The following FAF1 variants were observed in gnomAD, a reference collection of about 807,000 sequenced individuals.
FAF1 encodes Fas associated factor 1.
A neutral mutation model predicts 92.5 loss-of-function variants in FAF1; 25 were observed. That is an observed-to-expected ratio of 0.27 (90% CI 0.20 to 0.38). The LOEUF (loss-of-function observed/expected upper bound fraction) is 0.38. Among genes scored for constraint, FAF1 ranks in the 10% least tolerant of loss-of-function variants. The pLI is 1.00. For missense variants in FAF1, 636 were observed against 793.3 expected, an observed-to-expected ratio of 0.80 and a Z score of 2.38; for synonymous variants, 234 against 273.2, an observed-to-expected ratio of 0.86 and a Z score of 1.42.
At chr1:50,505,184 C>A (rs904843602) in intron 15 of FAF1, among the ~76,000 whole-genome samples, 7 of 152,076 alleles carry the variant, frequency 4.6e-5, no homozygotes, top group African/African-American at 1.7e-4. Flanking sequence ...TGGTTAAATA[C>A]CAGAACTGGG....
At chr1:50,635,374 A>G (rs1287233871) in intron 8 of FAF1, among the ~76,000 whole-genome samples, 1 of 152,176 alleles carries the variant, frequency 6.6e-6, no homozygotes, top group East Asian at 1.9e-4. Context: ...TGAAATGCAA[A>G]GAATCTAAAT....
chr1:50,480,636 G>C (rs529113905), intron 17 of FAF1, among the ~76,000 whole-genome samples: 27 of 152,314 alleles, frequency 1.8e-4, no homozygotes, highest in African/African-American at 6.5e-4. Flanking sequence ...CATAAGAAAA[G>C]ATAGTATGTG....
chr1:50,527,868 C>CCTCTCTCTCTCTCTCTCT (rs1332650562), intron 15 of FAF1, among the ~76,000 whole-genome samples: 13 of 57,152 alleles, frequency 2.3e-4, no homozygotes, highest in South Asian at 9.5e-4. Flanking sequence ...TCCCTCTCTC[C>CCTCTCTCTCTCTCTCTCT]CTCTCTCTCT....
At chr1:50,927,038 G>A (rs552221256) in intron 1 of FAF1, among the ~76,000 whole-genome samples, 9 of 152,240 alleles carry the variant, frequency 5.9e-5, no homozygotes, top group South Asian at 4.1e-4. Context: ...ATAATTCCAC[G>A]TCTATAAGTA....
chr1:50,882,626 A>G (rs1306327506), intron 1 of FAF1, among the ~76,000 whole-genome samples: 2 of 150,900 alleles, frequency 1.3e-5, no homozygotes, highest in African/African-American at 2.4e-5. Context: ...ATAAATAAAT[A>G]AATAAATAAA....
chr1:50,789,331 A>G (rs947241101), intron 3 of FAF1, among the ~76,000 whole-genome samples: 1 of 152,164 alleles, frequency 6.6e-6, no homozygotes, highest in Non-Finnish European at 1.5e-5. Context: ...AACAATAATT[A>G]TATTTGCACA....
At chr1:50,496,596 A>G (rs919396706) in intron 15 of FAF1, among the ~76,000 whole-genome samples, 3 of 152,158 alleles carry the variant, frequency 2.0e-5, no homozygotes, top group Non-Finnish European at 4.4e-5. Context: ...AGGAGGTGTA[A>G]AAGTTATCTC....
intron 1 of FAF1, among the ~76,000 whole-genome samples, chr1:50,909,999 G>A (rs1289911436): frequency 2.6e-5 from 4 of 152,094 alleles, no homozygotes; most frequent in Non-Finnish European, 4.4e-5. Flanking sequence ...CTGGTTTCTC[G>A]CCATCTTTGT....
rs1322680682 is a variant in FAF1, at chr1:50,788,006, T to C, written c.361A>G (p.Thr121Ala). 1.2e-6 allele frequency: 2 copies of C among 1,612,636 alleles called. No individual in the cohort carries two copies. The highest frequency in any genetic ancestry group is 1.7e-5 in the Admixed American group (1 of 60,012). ...NVDVVLEDTCTVGEIKQILEN... is the reference protein window; with the variant it reads ...NVDVVLEDTCAVGEIKQILEN... ...ATGGCAGGAAAAACCTTACCAACAGTACAGGTGTCTTCAAGTACCACATCA... is the reference window on the plus strand; with the variant it reads ...ATGGCAGGAAAAACCTTACCAACAGCACAGGTGTCTTCAAGTACCACATCA... Residue 121 changes from threonine to alanine, a missense_variant, in exon 4 of 19, where the codon ACT becomes GCT. Thr to Ala is a moderately conservative substitution (Grantham distance 58). Transcript: ENST00000396153.
intron 15 of FAF1, among the ~76,000 whole-genome samples, chr1:50,510,633 C>T (rs747972321): frequency 1.3e-4 from 20 of 152,260 alleles, no homozygotes; most frequent in Non-Finnish European, 2.5e-4. Context: ...GTCTTAACCA[C>T]GGATTATGCA....
At chr1:50,663,711 C>T (rs1277830858) in intron 7 of FAF1, among the ~76,000 whole-genome samples, 3 of 151,454 alleles carry the variant, frequency 2.0e-5, no homozygotes, top group Non-Finnish European at 2.9e-5. Flanking sequence ...CCAGAAGCAC[C>T]GCTTTAGAAT....
intron 13 of FAF1, among the ~76,000 whole-genome samples, chr1:50,559,901 T>C (rs1486003981): frequency 6.6e-6 from 1 of 152,186 alleles, no homozygotes; most frequent in African/African-American, 2.4e-5. Context: ...AAGGAAAATG[T>C]TGCATAAAGG....
chr1:50,707,216 A>AAAG (rs1657711105), intron 6 of FAF1, among the ~76,000 whole-genome samples: 1 of 151,720 alleles, frequency 6.6e-6, no homozygotes, highest in African/African-American at 2.4e-5. Flanking sequence ...AAAAAAAAAA[A>AAAG]AAAAGAATTA....
At chr1:50,530,021 C>A (rs1216725922) in intron 15 of FAF1, among the ~76,000 whole-genome samples, 1 of 152,170 alleles carries the variant, frequency 6.6e-6, no homozygotes, top group South Asian at 2.1e-4. Context: ...CATTTAGTAA[C>A]CTAATCATCA....
chr1:50,884,011 G>C (rs1048079055), intron 1 of FAF1, among the ~76,000 whole-genome samples: 1 of 152,056 alleles, frequency 6.6e-6, no homozygotes, highest in Non-Finnish European at 1.5e-5. Flanking sequence ...TCTAATCCCA[G>C]CTACTCGGGA....
intron 7 of FAF1, among the ~76,000 whole-genome samples, chr1:50,685,523 A>C (rs751871801): frequency 4.5e-4 from 68 of 152,226 alleles, no homozygotes; most frequent in Non-Finnish European, 7.5e-4. Context: ...CCTTACTGTG[A>C]ACTCTTAAAT....
chr1:50,820,924 G>A (rs545542733), intron 2 of FAF1, among the ~76,000 whole-genome samples: 11 of 152,060 alleles, frequency 7.2e-5, no homozygotes, highest in Admixed American at 5.2e-4. Context: ...GGTTGTTTCC[G>A]TATGTTAGCT....
At position 50,796,969 on chromosome 1, in the gene FAF1, C is replaced by T. The variant is rs574070534; in HGVS notation, c.161+4662G>A. Among the ~76,000 whole-genome samples, 320 of 152,136 alleles carry T rather than the reference C, an allele frequency of 2.1e-3. 4 individuals carry two copies. Among genetic ancestry groups the T allele is most frequent in the African/African-American group, 7.6e-3 (315 of 41,490 alleles). On this transcript the variant is annotated intron_variant, in intron 3 of 18. Transcript: ENST00000396153. ...ACATGGCTGGGGCGAAACTCCATCT[C>T]TACAAAAAATAAAAAAATTAGCCGG...
At chr1:50,620,619 G>C (rs367818697) in intron 8 of FAF1, among the ~76,000 whole-genome samples, 9 of 152,302 alleles carry the variant, frequency 5.9e-5, no homozygotes, top group Non-Finnish European at 8.8e-5. Flanking sequence ...GGAGGTAAGG[G>C]GACACTGGCT....
Sources: gnomAD v4.1 joint callset for allele counts (sites outside exome capture counted in the v4.1 genomes callset) on GRCh38, gnomAD v4.1.1 for gene constraint, MANE v1.5 for transcripts, NCBI Gene and HGNC (gene_info 2026-07-23, HGNC 2026-07-21) for gene names.